Variants in METTL15 observed in about 807,000 individuals in gnomAD.
The protein encoded by METTL15 is 12S rRNA N(4)-cytidine methyltransferase METTL15.
In METTL15, 34 loss-of-function variants were observed where a neutral mutation model predicts 38.3. The observed-to-expected ratio is 0.89, with a 90% confidence interval of 0.68 to 1.18. METTL15 has a LOEUF of 1.18. Ranked by LOEUF, METTL15 falls within the 50% of genes most tolerant of loss-of-function variation. METTL15 has a pLI of 0.00. For missense variants in METTL15, 438 were observed against 498.4 expected, an observed-to-expected ratio of 0.88 and a Z score of 1.15; for synonymous variants, 162 against 170.9, an observed-to-expected ratio of 0.95 and a Z score of 0.41.
At chr11:28,365,406 G>T (rs1483922760) in intron 5 of METTL15, among the ~76,000 whole-genome samples, 2 of 152,118 alleles carry the variant, frequency 1.3e-5, no homozygotes, top group Non-Finnish European at 2.9e-5. Flanking sequence ...ATCTTAGGAG[G>T]TTGTGTTTCT....
intron 6 of METTL15, among the ~76,000 whole-genome samples, chr11:28,483,730 G>T (rs944207265): frequency 6.6e-6 from 1 of 152,146 alleles, no homozygotes; most frequent in African/African-American, 2.4e-5. Context: ...CAGGTAGTGG[G>T]CTGGATTTGC....
intron 4 of METTL15, among the ~76,000 whole-genome samples, chr11:28,216,999 G>A (rs1189471690): frequency 6.6e-6 from 1 of 151,816 alleles, no homozygotes; most frequent in Non-Finnish European, 1.5e-5. Flanking sequence ...CTTTGCTATT[G>A]TGAATAGTGC....
chr11:28,330,030 A>G (rs1339028031), intron 6 of METTL15, among the ~76,000 whole-genome samples: 2 of 152,162 alleles, frequency 1.3e-5, no homozygotes, highest in Non-Finnish European at 1.5e-5. Flanking sequence ...TGATATGCCT[A>G]TGTGCAGCCA....
At chr11:28,476,257 CA>C (rs1402799216) in intron 6 of METTL15, among the ~76,000 whole-genome samples, 9 of 152,174 alleles carry the variant, frequency 5.9e-5, no homozygotes, top group Admixed American at 5.9e-4. Flanking sequence ...ACAGAAATAT[CA>C]GGCTGCTGGG....
At chr11:28,466,733 C>T (rs541073916) in intron 6 of METTL15, among the ~76,000 whole-genome samples, 1 of 152,296 alleles carries the variant, frequency 6.6e-6, no homozygotes, top group East Asian at 1.9e-4. Flanking sequence ...ATTGTTACTC[C>T]TCTGCTCTGC....
At chr11:28,294,033 T>C (rs1301668941) in intron 5 of METTL15, among the ~76,000 whole-genome samples, 2 of 152,134 alleles carry the variant, frequency 1.3e-5, no homozygotes, top group Non-Finnish European at 2.9e-5. Flanking sequence ...CTTTTCCTAA[T>C]GAATACCCTT....
chr11:28,451,097 C>T (rs1039573921), intron 6 of METTL15, among the ~76,000 whole-genome samples: 1 of 152,146 alleles, frequency 6.6e-6, no homozygotes, highest in Non-Finnish European at 1.5e-5. Context: ...AGCTACAATA[C>T]TCAATTATGC....
chr11:28,375,548 C>T (rs1230909514), intron 5 of METTL15, among the ~76,000 whole-genome samples: 3 of 151,638 alleles, frequency 2.0e-5, no homozygotes, highest in Non-Finnish European at 4.4e-5. Flanking sequence ...CTATTTGATT[C>T]TTCTCTCTTT....
rs945989336 is a variant in METTL15 at position 28,148,610 on chromosome 11, T to C, written c.270+35006T>C. Among the ~76,000 whole-genome samples the C allele has an allele frequency of 3.9e-5, 6 of 152,008 alleles. No homozygotes were observed. In the East Asian group the frequency reaches 5.8e-4, roughly 15 times the overall value. On this transcript the variant is annotated intron_variant, in intron 3 of 6. Transcript: ENST00000407364. ...TTCTCTAGTCCTACTTTTAGCACTT[T>C]ACAAGAGAACTTGTCTAAGTCTTTG...
intron 3 of METTL15, among the ~76,000 whole-genome samples, chr11:28,346,916 G>A (rs1252714640): frequency 6.6e-6 from 1 of 152,094 alleles, no homozygotes; most frequent in Non-Finnish European, 1.5e-5. Context: ...TTAAGGCAAA[G>A]CAAAATGATA....
chr11:28,236,086 T>A (rs1410578394), intron 4 of METTL15, among the ~76,000 whole-genome samples: 1 of 152,206 alleles, frequency 6.6e-6, no homozygotes, highest in Non-Finnish European at 1.5e-5. Context: ...TGTCTTTGGT[T>A]CTGTGTATAT....
At chr11:28,175,180 G>A (rs1409265120) in intron 3 of METTL15, among the ~76,000 whole-genome samples, 1 of 149,736 alleles carries the variant, frequency 6.7e-6, no homozygotes, top group Non-Finnish European at 1.5e-5. Flanking sequence ...TCCCACTTAT[G>A]AGTGAGAACA....
At chr11:28,383,732 T>C (rs1231353750) in intron 5 of METTL15, among the ~76,000 whole-genome samples, 1 of 152,218 alleles carries the variant, frequency 6.6e-6, no homozygotes, top group Non-Finnish European at 1.5e-5. Flanking sequence ...AGCATTTTTT[T>C]CTTATGCTTT....
At chr11:28,328,599 C>A (rs895414944) in intron 6 of METTL15, among the ~76,000 whole-genome samples, 6 of 152,040 alleles carry the variant, frequency 3.9e-5, no homozygotes, top group Admixed American at 2.0e-4. Flanking sequence ...GGATAATACT[C>A]TTCAGGAGCA....
intron 6 of METTL15, among the ~76,000 whole-genome samples, chr11:28,488,392 A>C (rs1399141966): frequency 6.6e-6 from 1 of 152,174 alleles, no homozygotes; most frequent in African/African-American, 2.4e-5. Context: ...AAAGAATAAC[A>C]CAACTCAGTT....
At chr11:28,496,262 T>C (rs1264156737) in intron 6 of METTL15, among the ~76,000 whole-genome samples, 2 of 152,180 alleles carry the variant, frequency 1.3e-5, no homozygotes, top group Non-Finnish European at 2.9e-5. Context: ...GCAAGAAAGC[T>C]TGTGCAGGGG....
intron 4 of METTL15, among the ~76,000 whole-genome samples, chr11:28,229,954 T>C (rs1184515737): frequency 6.6e-6 from 1 of 151,976 alleles, no homozygotes; most frequent in Non-Finnish European, 1.5e-5. Context: ...TTCTTTCTTA[T>C]CTGTCTTCTA....
chr11:28,400,936 T>C (rs1051901193), intron 5 of METTL15, among the ~76,000 whole-genome samples: 6 of 151,948 alleles, frequency 3.9e-5, no homozygotes, highest in Admixed American at 6.6e-5. Flanking sequence ...AAGATTTCCA[T>C]TGGACAAAGA....
intron 4 of METTL15, among the ~76,000 whole-genome samples, chr11:28,235,582 T>G (rs1402202989): frequency 6.6e-6 from 1 of 152,144 alleles, no homozygotes; most frequent in Non-Finnish European, 1.5e-5. Flanking sequence ...TGATTGGGAG[T>G]TCACTCATGA....
Sources: allele counts gnomAD v4.1 joint callset (sites outside exome capture counted in the v4.1 genomes callset), GRCh38; gene constraint gnomAD v4.1.1; transcripts MANE v1.5; gene names NCBI Gene and HGNC (gene_info 2026-07-23, HGNC 2026-07-21).